FAM222B: variants seen among roughly 807,000 people sequenced by gnomAD.
The protein encoded by FAM222B is protein FAM222B.
Under a neutral mutation model 38.0 loss-of-function variants are expected in FAM222B, and 12 were observed. The observed-to-expected ratio is 0.32, with a 90% CI of 0.20 to 0.51. FAM222B has a LOEUF of 0.51. Ranked by LOEUF, FAM222B falls within the 20% of genes least tolerant of loss-of-function variation. The pLI is 0.97. For missense variants in FAM222B, 716 were observed against 754.2 expected (o/e 0.95, Z 0.59); for synonymous variants, 329 against 317.2 (o/e 1.04, Z -0.40).
intron 1 of FAM222B, among the ~76,000 whole-genome samples, chr17:28,809,203 T>C (rs2151919587): frequency 6.6e-6 from 1 of 152,064 alleles, no homozygotes; most frequent in African/African-American, 2.4e-5. Flanking sequence ...ATACAAAAAT[T>C]AGCCAGGCGT....
chr17:28,853,919 C>G (rs1451846544), intron 1 of FAM222B, among the ~76,000 whole-genome samples: 2 of 151,054 alleles, frequency 1.3e-5, no homozygotes, highest in Non-Finnish European at 2.9e-5. Flanking sequence ...AACACCCCCT[C>G]TACCAAAGTT....
intron 1 of FAM222B, chr17:28,812,026 G>A (rs1326893142): frequency 6.6e-6 from 1 of 152,100 alleles, no homozygotes; most frequent in Non-Finnish European, 1.5e-5. Flanking sequence ...TAAGAGTCCT[G>A]AATCTCCTTA....
At chr17:28,850,930 C>A (rs1392422443) in intron 1 of FAM222B, among the ~76,000 whole-genome samples, 1 of 151,596 alleles carries the variant, frequency 6.6e-6, no homozygotes, top group Admixed American at 6.6e-5. Flanking sequence ...ACAAGCCTGG[C>A]CAATATGGTG....
At chr17:28,813,390 T>C (rs1312384971) in intron 1 of FAM222B, among the ~76,000 whole-genome samples, 2 of 152,106 alleles carry the variant, frequency 1.3e-5, no homozygotes, top group African/African-American at 2.4e-5. Flanking sequence ...ATAAATGCAA[T>C]GTGTGATTCT....
intron 1 of FAM222B, among the ~76,000 whole-genome samples, chr17:28,776,175 A>G (rs897222317): frequency 5.3e-5 from 8 of 151,280 alleles, no homozygotes; most frequent in Non-Finnish European, 8.8e-5. Flanking sequence ...GATCAAGACC[A>G]TCCTGGCTAA....
chr17:28,816,839 A>T (rs2151938497), intron 1 of FAM222B, among the ~76,000 whole-genome samples: 1 of 152,264 alleles, frequency 6.6e-6, no homozygotes, highest in Admixed American at 6.5e-5. Context: ...AATTTTTTTT[A>T]AGGGAATTCC....
upstream of FAM222B, among the ~76,000 whole-genome samples, chr17:28,844,918 C>T (rs548868670): frequency 2.0e-5 from 3 of 151,764 alleles, no homozygotes; most frequent in African/African-American, 4.8e-5. Context: ...CTGGCCAACA[C>T]GGTGAAACCC....
exon 1 of FAM222B, chr17:28,854,998 C>A (rs1243310943): frequency 6.6e-7 from 1 of 1,526,664 alleles, no homozygotes; most frequent in East Asian, 2.3e-5. Context: ...ATCGTAGGAG[C>A]GCTCCTGGTC....
intron 1 of FAM222B, among the ~76,000 whole-genome samples, chr17:28,767,968 A>C (rs556978961): frequency 1.1e-3 from 160 of 152,288 alleles, no homozygotes; most frequent in Non-Finnish European, 1.8e-3. Context: ...GGCTGCCAGC[A>C]GCTCTCTTCG....
At chr17:28,840,484 C>G (rs1176285932) in intron 1 of FAM222B, among the ~76,000 whole-genome samples, 1 of 152,066 alleles carries the variant, frequency 6.6e-6, no homozygotes, top group Non-Finnish European at 1.5e-5. Context: ...CTCAGGAAAA[C>G]CAAGACACCT....
intron 1 of FAM222B, among the ~76,000 whole-genome samples, chr17:28,784,250 G>A (rs1436445645): frequency 6.6e-6 from 1 of 151,716 alleles, no homozygotes; most frequent in Non-Finnish European, 1.5e-5. Context: ...GAGGTAGGAA[G>A]ACTGCTTGAG....
intron 1 of FAM222B, among the ~76,000 whole-genome samples, chr17:28,840,537 T>C (rs1041970463): frequency 1.3e-5 from 2 of 152,058 alleles, no homozygotes. Context: ...GAGATCCCAC[T>C]GACAAGCAGG....
chr17:28,787,535 T>G (rs533154963), intron 1 of FAM222B, among the ~76,000 whole-genome samples: 1 of 152,122 alleles, frequency 6.6e-6, no homozygotes, highest in African/African-American at 2.4e-5. Context: ...TTTCTGAAGC[T>G]AAAGGGTCTC....
chr17:28,809,942 G>A (rs529448504), intron 1 of FAM222B, among the ~76,000 whole-genome samples: 1 of 152,178 alleles, frequency 6.6e-6, no homozygotes, highest in Admixed American at 6.6e-5. Context: ...GGGCAAACTT[G>A]TTTTTTGACA....
chr17:28,764,684 T>G (rs945169792), intron 2 of FAM222B, among the ~76,000 whole-genome samples: 2 of 151,620 alleles, frequency 1.3e-5, no homozygotes, highest in Admixed American at 1.3e-4. Context: ...AAGGCGGAGG[T>G]TGCGTTGAGC....
At chr17:28,833,308 C>CA (rs1362841011) in intron 1 of FAM222B, among the ~76,000 whole-genome samples, 1 of 150,244 alleles carries the variant, frequency 6.7e-6, no homozygotes, top group Non-Finnish European at 1.5e-5. Flanking sequence ...GACTCCCTCT[C>CA]AAAAAAATAA....
intron 2 of FAM222B, among the ~76,000 whole-genome samples, chr17:28,763,269 G>C (rs565717814): frequency 6.6e-6 from 1 of 152,148 alleles, no homozygotes; most frequent in African/African-American, 2.4e-5. Flanking sequence ...TACTAAGATC[G>C]AGAGTCAATG....
At chr17:28,792,689 G>C (rs568700307) in intron 1 of FAM222B, among the ~76,000 whole-genome samples, 2 of 150,756 alleles carry the variant, frequency 1.3e-5, no homozygotes, top group African/African-American at 4.9e-5. Flanking sequence ...GCCAAGGCAC[G>C]AGAACTGCTT....
intron 1 of FAM222B, chr17:28,812,400 T>G (rs1286069612): frequency 6.6e-6 from 1 of 152,294 alleles, no homozygotes; most frequent in Admixed American, 6.5e-5. Context: ...AGCGCAGGAC[T>G]CCGCGGTGCG....
Sources: gnomAD v4.1 joint callset for allele counts (sites outside exome capture counted in the v4.1 genomes callset) on GRCh38, gnomAD v4.1.1 for gene constraint, MANE v1.5 for transcripts, NCBI Gene and HGNC (gene_info 2026-07-23, HGNC 2026-07-21) for gene names.